The following KANSL3 variants were observed in gnomAD, a reference collection of about 807,000 sequenced individuals.
The protein encoded by KANSL3 is NSL complex protein NSL3.
KANSL3 carries 16 observed loss-of-function variants against 89.2 expected under a neutral mutation model. That is an observed-to-expected ratio of 0.18 (90% CI 0.12 to 0.27). KANSL3 has a LOEUF of 0.27. Ranked by LOEUF, KANSL3 falls within the 10% of genes least tolerant of loss-of-function variation. The pLI is 1.00. For synonymous variants in KANSL3, 385 were observed against 419.7 expected, an observed-to-expected ratio of 0.92 and a Z score of 1.01; for missense variants, 879 against 1,110.6, an observed-to-expected ratio of 0.79 and a Z score of 2.96.
intron 2 of KANSL3, among the ~76,000 whole-genome samples, chr2:96,636,355 T>C (rs909706987): frequency 6.6e-6 from 1 of 152,212 alleles, no homozygotes; most frequent in African/African-American, 2.4e-5. Flanking sequence ...GAAACTTCCT[T>C]ACCCTATAAC....
At chr2:96,589,733 A>C (rs1399139509), downstream of KANSL3, among the ~76,000 whole-genome samples, 1 of 152,246 alleles carries the variant, frequency 6.6e-6, no homozygotes, top group Non-Finnish European at 1.5e-5. Context: ...ACCCTACAGC[A>C]GAACACATTT....
At chr2:96,625,931 G>T (rs565681447) in intron 3 of KANSL3, among the ~76,000 whole-genome samples, 1 of 152,256 alleles carries the variant, frequency 6.6e-6, no homozygotes, top group African/African-American at 2.4e-5. Context: ...ATAGCTGATG[G>T]GAACTGTGGT....
chr2:96,612,548 T>G lies in KANSL3; in HGVS notation c.928A>C (p.Thr310Pro). 6.2e-7 allele frequency: 1 copy of G among 1,613,748 alleles called. No homozygotes were observed. Among genetic ancestry groups the G allele is most frequent in the South Asian group, 1.1e-5 (1 of 91,072 alleles). Residue 310 changes from threonine to proline, a missense_variant, in exon 8 of 21, where the codon ACC becomes CCC. Thr to Pro is a conservative substitution (Grantham distance 38, BLOSUM62 -1). Around this residue, in one of 6 missense-constraint regions of KANSL3, gnomAD observed 198 missense variants for 260.3 expected, o/e 0.76. Coordinates refer to ENST00000431828, the MANE Select transcript of KANSL3 (RefSeq NM_001115016.3). ...SCLGKVIPVA[T>P]HLLNNGSGVG... ...CCACTGCCATTGTTCAGCAGATGGG[T>G]GGCTACAGGGATGACCTGAAGGAAA...
rs72941215 is a variant in KANSL3 at position 96,622,913 on chromosome 2, G to A, written c.387-3151C>T. Among the ~76,000 whole-genome samples the A allele has an allele frequency of 1.6e-3, 245 of 152,244 alleles. 1 individual carries two copies. Among genetic ancestry groups the A allele is most frequent in the African/African-American group, 5.7e-3 (236 of 41,528 alleles). ...GGTTGTTGCTCAAATGTCACCTTCT[G>A]CTGAGGCTTGCTCTGACCTATCCCT... On this transcript the variant is annotated intron_variant, in intron 3 of 20. Transcript: ENST00000431828.
At chr2:96,596,454 C>A (rs975286437) in intron 20 of KANSL3, among the ~76,000 whole-genome samples, 4 of 152,238 alleles carry the variant, frequency 2.6e-5, no homozygotes, top group African/African-American at 9.6e-5. Flanking sequence ...CTCGGGAGGC[C>A]GAGGCCACAG....
intron 3 of KANSL3, among the ~76,000 whole-genome samples, chr2:96,628,817 G>A (rs958067676): frequency 1.3e-5 from 2 of 150,662 alleles, no homozygotes; most frequent in Admixed American, 1.3e-4. Context: ...TTCTGAAATT[G>A]CAAAGGACAA....
At chr2:96,601,852 G>A in intron 19 of KANSL3, 76 bp from the exon 20 acceptor site, 1 of 1,472,746 alleles carries the variant, frequency 6.8e-7, no homozygotes, top group East Asian at 2.4e-5. Flanking sequence ...TTCCTGGAGA[G>A]CTTCTCCCCC....
chr2:96,588,136 T>C, the KANSL3 span, among the ~76,000 whole-genome samples: 1 of 151,644 alleles, frequency 6.6e-6, no homozygotes, highest in Non-Finnish European at 1.5e-5. Context: ...CTTAAGCCTA[T>C]ACAGGTTCAA....
chr2:96,636,881 C>T (rs757371217), intron 2 of KANSL3, 40 bp downstream of exon 2: 71 of 1,437,202 alleles, frequency 4.9e-5, no homozygotes, highest in Non-Finnish European at 6.3e-5. Context: ...TGATCACTGC[C>T]CAGTGAGGTT....
chr2:96,602,390 T>C (rs1364589562), intron 18 of KANSL3, 52 bp from the exon 19 acceptor site: 2 of 1,409,238 alleles, frequency 1.4e-6, no homozygotes, highest in African/African-American at 1.4e-5. Flanking sequence ...AACAGCAACA[T>C]TCGAGCTTGG....
Position 96,599,920 on chromosome 2 carries a change from G to C in KANSL3, c.2616+1723C>G, listed in dbSNP as rs2066944253. 2.6e-5 allele frequency: 4 copies of C among 152,294 alleles called. No homozygotes were observed. The South Asian group carries it at 8.3e-4, about 32-fold the overall frequency. The allele number at this position is 152,294 out of a possible 1,614,324, so 9.4% of individuals were successfully genotyped here. A position where few individuals can be genotyped will look rare whatever the true frequency, so the allele number is the denominator to read the frequency against. ...AAAAACTTTTTGAAGGGCAGTTAGTGAGCAGCTGCCCAGATATTAGAGGTA... is the reference window on the plus strand; with the variant it reads ...AAAAACTTTTTGAAGGGCAGTTAGTCAGCAGCTGCCCAGATATTAGAGGTA... On this transcript the variant is annotated intron_variant, in intron 20 of 20. Coordinates refer to ENST00000431828, the MANE Select transcript of KANSL3 (RefSeq NM_001115016.3).
chr2:96,606,837 G>C (rs557568153), intron 14 of KANSL3: 1 of 402,886 alleles, frequency 2.5e-6, no homozygotes, highest in East Asian at 7.5e-5. Flanking sequence ...CAAAACAAAA[G>C]AATACAAAGA....
chr2:96,580,530 G>A, the KANSL3 span, among the ~76,000 whole-genome samples: 440 of 152,182 alleles, frequency 2.9e-3, 2 homozygotes, highest in African/African-American at 0.01. Context: ...AAAAATAGGC[G>A]AAACCAACCT....
intron 3 of KANSL3, among the ~76,000 whole-genome samples, chr2:96,621,888 G>A (rs1270332305): frequency 6.6e-6 from 1 of 152,108 alleles, no homozygotes; most frequent in African/African-American, 2.4e-5. Context: ...GGCCAAGGCA[G>A]GCGGATCACA....
intron 15 of KANSL3, 43 bp from the exon 16 acceptor site, chr2:96,604,906 G>A: frequency 6.7e-7 from 1 of 1,501,420 alleles, no homozygotes. Context: ...AGTCCTATTT[G>A]GCCTCTATGT....
Position 96,604,816 on chromosome 2 carries a change from C to G in KANSL3, c.1981G>C (p.Gly661Arg). The G allele has an allele frequency of 2.5e-6, 4 of 1,600,014 alleles. No individual in the cohort carries two copies. Among genetic ancestry groups the G allele is most frequent in the Non-Finnish European group, 2.6e-6 (3 of 1,173,388 alleles). ...ITMTLGQASA[G>R]AKELTGLLTT... ...AGAAGTCCTGTGAGCTCCTTGGCCC[C>G]TGCTGAAGCCTGCCCCAGTGTCATG... The change falls in exon 16 of 21, where the codon GGG becomes CGG. Residue 661 changes from glycine (G) to arginine (R), a missense_variant. Coordinates refer to ENST00000431828, the MANE Select transcript of KANSL3 (RefSeq NM_001115016.3).
chr2:96,634,593 T>G (rs548980523), intron 2 of KANSL3, among the ~76,000 whole-genome samples: 3 of 152,266 alleles, frequency 2.0e-5, no homozygotes, highest in South Asian at 2.1e-4. Flanking sequence ...TGCACCAACT[T>G]TGTCACCCCA....
intron 3 of KANSL3, among the ~76,000 whole-genome samples, chr2:96,624,184 G>GC (rs1432444213): frequency 6.6e-6 from 1 of 152,182 alleles, no homozygotes; most frequent in Non-Finnish European, 1.5e-5. Flanking sequence ...GGAAGCTCCA[G>GC]CCCCACTGGT....
intron 20 of KANSL3, among the ~76,000 whole-genome samples, 152 bp from the exon 21 acceptor site, chr2:96,595,783 T>G (rs2066473838): frequency 6.6e-6 from 1 of 152,210 alleles, no homozygotes; most frequent in Non-Finnish European, 1.5e-5. Context: ...GGACACATGT[T>G]CTAGCTGCCA....
Sources: gnomAD v4.1 joint callset for allele counts (sites outside exome capture counted in the v4.1 genomes callset) on GRCh38, gnomAD v4.1.1 for gene constraint, gnomAD v4.1.1 regional missense constraint, MANE v1.5 for transcripts, NCBI Gene and HGNC (gene_info 2026-07-23, HGNC 2026-07-21) for gene names.